The following BTD variants were observed in gnomAD, a reference collection of about 807,000 sequenced individuals.
The protein encoded by BTD is biotinidase, also known as biocytinase.
In BTD, 13 loss-of-function variants were observed where a neutral mutation model predicts 17.7. That is an observed-to-expected ratio of 0.74 (90% CI 0.48 to 1.17). The LOEUF is 1.17. Ranked by LOEUF, BTD falls within the 50% of genes most tolerant of loss-of-function variation. The pLI, the probability that BTD is intolerant of heterozygous loss-of-function variation, is 0.00. For synonymous variants in BTD, 240 were observed against 245.2 expected, an observed-to-expected ratio of 0.98 and a Z score of 0.20; for missense variants, 674 against 650.4, an observed-to-expected ratio of 1.04 and a Z score of -0.39.
At chr3:15,697,022 A>C (rs973207123) in intron 3 of BTD, among the ~76,000 whole-genome samples, 2 of 152,204 alleles carry the variant, frequency 1.3e-5, no homozygotes, top group Non-Finnish European at 2.9e-5. Context: ...CAATTGCAAA[A>C]ATATGAAACA....
At position 15,648,259 on chromosome 3, in the gene BTD, T is replaced by A. The variant is rs977488497; in HGVS notation, c.*2771T>A. 9.3e-6 allele frequency among the ~76,000 whole-genome samples: 1 copy of A among 107,088 alleles called. No homozygotes were observed. The allele number at this position is 107,088 out of a possible 152,430, so 70.3% of individuals were successfully genotyped here. A position where few individuals can be genotyped will look rare whatever the true frequency, so the allele number is the denominator to read the frequency against. ...AGAACAATTTCTCAACAAAGTGGAT[T>A]TATATAGGACAAAATAGGCATAAAA... is the stretch of plus-strand genomic sequence containing the variant. On this transcript the variant is annotated 3_prime_UTR_variant, in exon 4 of 4. Coordinates refer to ENST00000643237, the MANE Select transcript of BTD (RefSeq NM_001370658.1).
intron 3 of BTD, among the ~76,000 whole-genome samples, chr3:15,704,944 G>A (rs990618630): frequency 1.3e-5 from 2 of 152,112 alleles, no homozygotes; most frequent in Admixed American, 6.5e-5. Flanking sequence ...GCTAGATTAT[G>A]CACAGTCTCA....
chr3:15,678,203 C>T, intron 3 of BTD: 1 of 1,603,950 alleles, frequency 6.2e-7, no homozygotes, highest in Non-Finnish European at 8.5e-7. Context: ...AAAGAAGTTT[C>T]TTTACCAACT....
At chr3:15,617,567 A>G (rs2064830933) in intron 1 of BTD, among the ~76,000 whole-genome samples, 1 of 152,208 alleles carries the variant, frequency 6.6e-6, no homozygotes, top group African/African-American at 2.4e-5. Context: ...CCTTTGTCAA[A>G]GATGAGTTAA....
exon 4 of BTD, chr3:15,712,012 T>A (rs1235326010): frequency 4.1e-6 from 3 of 735,454 alleles, no homozygotes; most frequent in Non-Finnish European, 6.9e-6. Context: ...CAACACGTTC[T>A]AAAAGGGGTT....
chr3:15,605,271 C>A (rs901386721), intron 1 of BTD, among the ~76,000 whole-genome samples: 1 of 152,248 alleles, frequency 6.6e-6, no homozygotes, highest in Non-Finnish European at 1.5e-5. Context: ...GCACGTCTTA[C>A]ATGGCGACAG....
At position 15,647,893 on chromosome 3, in the gene BTD, TAGAG is replaced by T. The variant is rs1220683271; in HGVS notation, c.*2408_*2411del. ...ACACTGGATTTAAAAGCCCTGTTCT[TAGAG>T]AGGAAAAAACCAGGCCTCCTCACAG... On this transcript the variant is annotated 3_prime_UTR_variant, in exon 4 of 4. Coordinates refer to ENST00000643237, the MANE Select transcript of BTD (RefSeq NM_001370658.1). Among the ~76,000 whole-genome samples the T allele has an allele frequency of 1.3e-5, 2 of 152,124 alleles. No individual in the cohort carries two copies. The highest frequency in any genetic ancestry group is 6.5e-5 in the Admixed American group (1 of 15,274).
chr3:15,679,306 T>C, intron 3 of BTD: 1 of 1,613,840 alleles, frequency 6.2e-7, no homozygotes, highest in South Asian at 1.1e-5. Context: ...CCTACCTTCC[T>C]TTTGAATCTG....
In BTD at chr3:15,644,700, A is replaced by G. The variant is rs549204682; in HGVS notation, c.784A>G (p.Ile262Val). The part of the protein sequence containing the change: ...WMNQLPLLAA[I>V]EIQKAFAVAF... ...GAACCAGCTCCCACTCTTGGCAGCAATTGAGATTCAGAAAGCTTTTGCTGT... is the reference window on the plus strand; with the variant it reads ...GAACCAGCTCCCACTCTTGGCAGCAGTTGAGATTCAGAAAGCTTTTGCTGT... Residue 262 changes from isoleucine (I) to valine (V), a missense_variant, in exon 4 of 4, where the codon ATT becomes GTT. Physicochemically the swap from Ile to Val is conservative, Grantham distance 29 (BLOSUM62 3). Coordinates refer to ENST00000643237, the MANE Select transcript of BTD (RefSeq NM_001370658.1). The G allele has an allele frequency of 2.5e-6, 4 of 1,614,194 alleles. No individual in the cohort carries two copies. Among genetic ancestry groups the G allele is most frequent in the East Asian group, 2.2e-5 (1 of 44,888 alleles).
intron 3 of BTD, 142 bp from the exon 4 acceptor site, chr3:15,644,174 G>A (rs1370358166): frequency 1.2e-6 from 1 of 834,686 alleles, no homozygotes; most frequent in Non-Finnish European, 1.8e-6. Flanking sequence ...CTAATTTTTT[G>A]TATTTTTAGT....
At chr3:15,661,121 C>T (rs956333330) in intron 3 of BTD, among the ~76,000 whole-genome samples, 1 of 151,854 alleles carries the variant, frequency 6.6e-6, no homozygotes, top group African/African-American at 2.4e-5. Context: ...CAAAAATTAG[C>T]CGGGCGTGGT....
chr3:15,695,210 G>A, intron 3 of BTD: 1 of 1,587,692 alleles, frequency 6.3e-7, no homozygotes, highest in Non-Finnish European at 8.6e-7. Context: ...AGTTTCACTT[G>A]CAATCTGAAA....
At chr3:15,609,771 A>G (rs2064560843) in intron 1 of BTD, among the ~76,000 whole-genome samples, 1 of 151,914 alleles carries the variant, frequency 6.6e-6, no homozygotes, top group Non-Finnish European at 1.5e-5. Flanking sequence ...TGATTTGTAG[A>G]TGTCCTTTAT....
At chr3:15,661,857 A>G (rs1310094418) in intron 3 of BTD, among the ~76,000 whole-genome samples, 1 of 152,206 alleles carries the variant, frequency 6.6e-6, no homozygotes, top group South Asian at 2.1e-4. Flanking sequence ...TGTCTTAATT[A>G]TTCCAGCACC....
intron 3 of BTD, among the ~76,000 whole-genome samples, chr3:15,673,364 G>A (rs2066575828): frequency 6.6e-6 from 1 of 152,140 alleles, no homozygotes; most frequent in Non-Finnish European, 1.5e-5. Context: ...ACAGTGCTTG[G>A]CATAATCACT....
chr3:15,640,855 C>CG (rs2065481551), intron 2 of BTD, among the ~76,000 whole-genome samples: 1 of 108,312 alleles, frequency 9.2e-6, no homozygotes, highest in African/African-American at 5.9e-5. Context: ...TTGTTTTTTC[C>CG]CGTTTTCCAA....
chr3:15,660,678 T>C (rs1007444290), intron 3 of BTD, among the ~76,000 whole-genome samples: 1 of 152,230 alleles, frequency 6.6e-6, no homozygotes, highest in Non-Finnish European at 1.5e-5. Context: ...AATTTATGTG[T>C]TTATGATCTC....
chr3:15,663,288 C>G (rs1268512387), intron 3 of BTD, among the ~76,000 whole-genome samples: 4 of 152,362 alleles, frequency 2.6e-5, no homozygotes, highest in East Asian at 1.9e-4. Context: ...GCCGCCGCGC[C>G]TGGCCTACAG....
intron 3 of BTD, chr3:15,695,146 T>C (rs191800621): frequency 1.3e-6 from 2 of 1,482,548 alleles, no homozygotes; most frequent in Non-Finnish European, 1.9e-6. Flanking sequence ...AGGAGGGAAC[T>C]GACCAATACT....
Sources: gnomAD v4.1 joint callset for allele counts (sites outside exome capture counted in the v4.1 genomes callset) on GRCh38, gnomAD v4.1.1 for gene constraint, MANE v1.5 for transcripts, NCBI Gene and HGNC (gene_info 2026-07-23, HGNC 2026-07-21) for gene names.